Variants in MARCHF1 observed in about 807,000 individuals in gnomAD.
The protein encoded by MARCHF1 is membrane associated ring-CH-type finger 1.
In MARCHF1, 40 loss-of-function variants were observed where a neutral mutation model predicts 54.2. The observed-to-expected ratio is 0.74, with a 90% CI of 0.57 to 0.96. MARCHF1 has a LOEUF of 0.96. MARCHF1 is among the 40% of genes least tolerant of loss of function. MARCHF1 has a pLI of 0.00. For missense variants in MARCHF1, 586 were observed against 656.5 expected (o/e 0.89, Z 1.17); for synonymous variants, 236 against 236.3 (o/e 1.00, Z 0.01).
chr4:163,931,535 A>G (rs1475076231), intron 3 of MARCHF1, among the ~76,000 whole-genome samples: 2 of 152,152 alleles, frequency 1.3e-5, no homozygotes, highest in Non-Finnish European at 2.9e-5. Flanking sequence ...CTTTGAGAAA[A>G]TGGGGCCTCA....
At chr4:163,751,593 T>G (rs1420045668) in intron 4 of MARCHF1, among the ~76,000 whole-genome samples, 1 of 132,178 alleles carries the variant, frequency 7.6e-6, no homozygotes, top group Non-Finnish European at 1.8e-5. Flanking sequence ...CCAAAAATTA[T>G]AATATATGAC....
At chr4:163,897,980 G>C (rs754254718) in intron 3 of MARCHF1, among the ~76,000 whole-genome samples, 1 of 141,540 alleles carries the variant, frequency 7.1e-6, no homozygotes, top group Non-Finnish European at 1.5e-5. Flanking sequence ...AGAATGGCAC[G>C]AACCCGGGAG....
intron 1 of MARCHF1, among the ~76,000 whole-genome samples, chr4:164,301,527 G>A (rs998572779): frequency 6.6e-6 from 1 of 152,176 alleles, no homozygotes; most frequent in Non-Finnish European, 1.5e-5. Flanking sequence ...GTGCTCAGGA[G>A]AGCGGATAGG....
intron 1 of MARCHF1, among the ~76,000 whole-genome samples, chr4:164,160,878 G>C (rs1579584368): frequency 6.6e-6 from 1 of 152,204 alleles, no homozygotes; most frequent in East Asian, 1.9e-4. Flanking sequence ...TAGAAGACAT[G>C]AAATCTCAGA....
chr4:163,912,358 T>C (rs1030464026), intron 3 of MARCHF1, among the ~76,000 whole-genome samples: 2 of 151,712 alleles, frequency 1.3e-5, no homozygotes, highest in Non-Finnish European at 2.9e-5. Context: ...TCAAGGAAAA[T>C]AAAAAAAGTG....
At chr4:164,309,347 C>T (rs1242071071) in intron 1 of MARCHF1, among the ~76,000 whole-genome samples, 1 of 151,306 alleles carries the variant, frequency 6.6e-6, no homozygotes, top group Non-Finnish European at 1.5e-5. Context: ...CTTTGCGCTC[C>T]CTGCCACATT....
At chr4:164,380,929 T>G (rs868385404) in intron 1 of MARCHF1, among the ~76,000 whole-genome samples, 2 of 152,208 alleles carry the variant, frequency 1.3e-5, no homozygotes, top group South Asian at 2.1e-4. Context: ...TTCATTGAGT[T>G]TAAGACACAA....
At chr4:163,538,667 C>T (rs752299401) in intron 9 of MARCHF1, among the ~76,000 whole-genome samples, 10 of 152,268 alleles carry the variant, frequency 6.6e-5, no homozygotes, top group Admixed American at 2.6e-4. Flanking sequence ...TCGAGGGGTA[C>T]GGATTTTATT....
chr4:163,967,041 T>C (rs1297489215), intron 3 of MARCHF1, among the ~76,000 whole-genome samples: 1 of 152,050 alleles, frequency 6.6e-6, no homozygotes, highest in Admixed American at 6.6e-5. Flanking sequence ...GCCAGTATAG[T>C]TGTATATTCA....
chr4:163,878,517 C>A (rs866649186), intron 3 of MARCHF1, among the ~76,000 whole-genome samples: 1 of 152,194 alleles, frequency 6.6e-6, no homozygotes, highest in Non-Finnish European at 1.5e-5. Flanking sequence ...CATTCAGTTC[C>A]TTTCCAGATT....
chr4:163,791,596 C>T (rs1399854425), intron 4 of MARCHF1, among the ~76,000 whole-genome samples: 1 of 152,150 alleles, frequency 6.6e-6, no homozygotes, highest in East Asian at 1.9e-4. Flanking sequence ...AGTTGAGGCA[C>T]TGGCTCCTGA....
At chr4:163,919,847 G>A (rs1294133232) in intron 3 of MARCHF1, among the ~76,000 whole-genome samples, 1 of 152,066 alleles carries the variant, frequency 6.6e-6, no homozygotes, top group Non-Finnish European at 1.5e-5. Flanking sequence ...TTCTATTTTA[G>A]TCATAAGTGG....
intron 3 of MARCHF1, among the ~76,000 whole-genome samples, chr4:163,886,322 TAG>T (rs1750533904): frequency 6.8e-6 from 1 of 146,258 alleles, no homozygotes; most frequent in African/African-American, 2.6e-5. Flanking sequence ...GATAGATAGA[TAG>T]ATAGATAGAT....
chr4:164,326,881 T>C (rs956091947), intron 1 of MARCHF1, among the ~76,000 whole-genome samples: 1 of 152,018 alleles, frequency 6.6e-6, no homozygotes, highest in Non-Finnish European at 1.5e-5. Context: ...TTTCTTAACT[T>C]CATTATGCCT....
chr4:163,934,440 T>A (rs1751749712), intron 3 of MARCHF1, among the ~76,000 whole-genome samples: 1 of 151,510 alleles, frequency 6.6e-6, no homozygotes, highest in Non-Finnish European at 1.5e-5. Flanking sequence ...GCATCTGTAG[T>A]CCCAGCTACT....
At chr4:164,374,336 T>C (rs1731123469) in intron 1 of MARCHF1, among the ~76,000 whole-genome samples, 1 of 152,144 alleles carries the variant, frequency 6.6e-6, no homozygotes, top group African/African-American at 2.4e-5. Flanking sequence ...AGTCTTATTA[T>C]TACTAAAAGT....
intron 4 of MARCHF1, among the ~76,000 whole-genome samples, chr4:163,759,989 A>G (rs1441225233): frequency 1.3e-5 from 2 of 152,210 alleles, no homozygotes; most frequent in African/African-American, 4.8e-5. Flanking sequence ...TGATGCATTA[A>G]AACAACACAA....
intron 5 of MARCHF1, among the ~76,000 whole-genome samples, chr4:163,670,092 T>C (rs1021731897): frequency 3.3e-5 from 5 of 151,950 alleles, no homozygotes. Context: ...CTTTCTTTAA[T>C]ATCATTTATT....
At chr4:164,379,764 T>C (rs984025986) in intron 1 of MARCHF1, among the ~76,000 whole-genome samples, 1 of 151,990 alleles carries the variant, frequency 6.6e-6, no homozygotes, top group African/African-American at 2.4e-5. Context: ...GGCAGGCAGA[T>C]TGCTTGAGTC....
Sources: gnomAD v4.1 joint callset for allele counts (sites outside exome capture counted in the v4.1 genomes callset) on GRCh38, gnomAD v4.1.1 for gene constraint, MANE v1.5 for transcripts, NCBI Gene and HGNC (gene_info 2026-07-23, HGNC 2026-07-21) for gene names.